Variants in ETS1 observed in about 807,000 individuals in gnomAD.
ETS1 encodes ETS proto-oncogene 1, transcription factor, also known as protein C-ets-1.
Under a neutral mutation model 58.6 loss-of-function variants are expected in ETS1, and 15 were observed. The observed-to-expected ratio is 0.26, with a 90% CI of 0.17 to 0.39. The LOEUF (loss-of-function observed/expected upper bound fraction) is 0.39, where lower values mean the gene tolerates loss of function less well. ETS1 is among the 10% of genes least tolerant of loss of function. ETS1 has a pLI of 1.00. For missense variants in ETS1, 417 were observed against 610.5 expected, an observed-to-expected ratio of 0.68 and a Z score of 3.34; for synonymous variants, 214 against 218.2, an observed-to-expected ratio of 0.98 and a Z score of 0.17.
At position 128,563,885 on chromosome 11, in the gene ETS1, C is replaced by T. The variant is rs147330503; in HGVS notation, c.70-7450G>A. Among the ~76,000 whole-genome samples the T allele has an allele frequency of 1.3e-3, 200 of 152,286 alleles. 1 individual carries two copies. Among genetic ancestry groups the T allele is most frequent in the South Asian group, 4.1e-3 (20 of 4,826 alleles). On this transcript the variant is annotated intron_variant, in intron 2 of 9. Coordinates refer to ENST00000392668, the MANE Select transcript of ETS1 (RefSeq NM_001143820.2). ...GTGCTCAATTAAAGTGTGTGCAATA[C>T]CTAGGCCATTTCTCTGCTTAAACCC...
intron 3 of ETS1, among the ~76,000 whole-genome samples, chr11:128,494,001 T>C (rs1862872696): frequency 2.0e-5 from 3 of 152,230 alleles, no homozygotes; most frequent in African/African-American, 4.8e-5. Context: ...CTTAAAATAC[T>C]TTACTTCATC....
chr11:128,583,961 G>A (rs1266401785), intron 1 of ETS1, among the ~76,000 whole-genome samples: 1 of 152,080 alleles, frequency 6.6e-6, no homozygotes, highest in African/African-American at 2.4e-5. Context: ...CCCAAAGCAT[G>A]TATAGGTTAT....
intron 1 of ETS1, among the ~76,000 whole-genome samples, chr11:128,582,828 G>T (rs1308188689): frequency 6.6e-6 from 1 of 152,046 alleles, no homozygotes; most frequent in African/African-American, 2.4e-5. Context: ...AGCTTCCTGA[G>T]TTAAACCAAC....
intron 3 of ETS1, chr11:128,530,180 AG>A (rs770325869): frequency 6.6e-6 from 1 of 152,236 alleles, no homozygotes; most frequent in Non-Finnish European, 1.5e-5. Flanking sequence ...AGGACCAAAA[AG>A]AAATGAAGTC....
chr11:128,543,193 CAA>C (rs66563990), intron 3 of ETS1, among the ~76,000 whole-genome samples: 178 of 87,104 alleles, frequency 2.0e-3, no homozygotes, highest in African/African-American at 5.4e-3. Context: ...AACTCTGTCT[CAA>C]AAAAAAAAAA....
chr11:128,473,210 T>C (rs562899962), intron 8 of ETS1, among the ~76,000 whole-genome samples: 4 of 152,206 alleles, frequency 2.6e-5, no homozygotes, highest in Non-Finnish European at 4.4e-5. Flanking sequence ...TATTATTAAA[T>C]GCCTGCTACG....
intron 8 of ETS1, 23 bp downstream of exon 8, chr11:128,480,168 C>T: frequency 6.2e-7 from 1 of 1,611,288 alleles, no homozygotes; most frequent in Non-Finnish European, 8.5e-7. Context: ...TGGAGTTGGC[C>T]TAAGCAGCGG....
At chr11:128,527,040 A>C (rs1277674511) in intron 3 of ETS1, 3 of 451,058 alleles carry the variant, frequency 6.7e-6, no homozygotes, top group Non-Finnish European at 1.3e-5. Flanking sequence ...TTGGCAGGAG[A>C]AGTACCAGAC....
At chr11:128,562,185 C>A (rs1301124392) in intron 2 of ETS1, among the ~76,000 whole-genome samples, 1 of 152,126 alleles carries the variant, frequency 6.6e-6, no homozygotes, top group African/African-American at 2.4e-5. Flanking sequence ...CCAAGGCGGG[C>A]AGATCACAAG....
At chr11:128,509,620 T>C (rs769298527) in intron 3 of ETS1, among the ~76,000 whole-genome samples, 44 of 147,994 alleles carry the variant, frequency 3.0e-4, no homozygotes, top group Non-Finnish European at 6.4e-4. Context: ...TATGTATAAG[T>C]GAAATGAGTG....
intron 1 of ETS1, among the ~76,000 whole-genome samples, chr11:128,585,027 GAAAGAA>G (rs1565421064): frequency 0.029 from 237 of 8,132 alleles, 39 homozygotes; most frequent in African/African-American, 0.08. Flanking sequence ...AAAGAAGAAA[GAAAGAA>G]AAGAAAGAAA....
chr11:128,479,525 A>T (rs1289123290), intron 8 of ETS1, among the ~76,000 whole-genome samples: 1 of 152,250 alleles, frequency 6.6e-6, no homozygotes, highest in African/African-American at 2.4e-5. Context: ...CTCTACTACC[A>T]GAGTCTCAAT....
At chr11:128,473,113 A>T (rs1277501357) in intron 8 of ETS1, among the ~76,000 whole-genome samples, 1 of 152,216 alleles carries the variant, frequency 6.6e-6, no homozygotes, top group East Asian at 1.9e-4. Context: ...TGAAGGATTT[A>T]AAAAGTCAGT....
chr11:128,581,735 G>A (rs1864874717), intron 1 of ETS1, among the ~76,000 whole-genome samples: 1 of 152,096 alleles, frequency 6.6e-6, no homozygotes, highest in South Asian at 2.1e-4. Context: ...CCTCTGAAGA[G>A]ACTAGCATTT....
At chr11:128,494,838 AGGGTT>A (rs1648592796) in intron 3 of ETS1, among the ~76,000 whole-genome samples, 1 of 152,090 alleles carries the variant, frequency 6.6e-6, no homozygotes, top group African/African-American at 2.4e-5. Context: ...CTGGGATCCT[AGGGTT>A]AGGAGATGAG....
At chr11:128,469,419 T>C (rs1178779947) in intron 8 of ETS1, among the ~76,000 whole-genome samples, 4 of 152,110 alleles carry the variant, frequency 2.6e-5, no homozygotes, top group Admixed American at 2.6e-4. Flanking sequence ...AAACAGAACA[T>C]TCGAATCCAG....
intron 3 of ETS1, among the ~76,000 whole-genome samples, chr11:128,535,667 CA>C (rs1445521021): frequency 6.6e-6 from 1 of 152,154 alleles, no homozygotes; most frequent in East Asian, 1.9e-4. Flanking sequence ...AGTCTTATGG[CA>C]AAAATCACTC....
chr11:128,484,037 A>G (rs1862559182), intron 7 of ETS1, among the ~76,000 whole-genome samples: 1 of 152,228 alleles, frequency 6.6e-6, no homozygotes, highest in Non-Finnish European at 1.5e-5. Flanking sequence ...TGGACACTTT[A>G]CTAGGTAGGC....
At chr11:128,467,870 G>A (rs1219313248) in intron 8 of ETS1, among the ~76,000 whole-genome samples, 1 of 152,030 alleles carries the variant, frequency 6.6e-6, no homozygotes, top group Non-Finnish European at 1.5e-5. Context: ...CCAGAGCCAT[G>A]CGGGCGGGAG....
Sources: allele counts gnomAD v4.1 joint callset (sites outside exome capture counted in the v4.1 genomes callset), GRCh38; gene constraint gnomAD v4.1.1; transcripts MANE v1.5; gene names NCBI Gene and HGNC (gene_info 2026-07-23, HGNC 2026-07-21).